MARCHF4: variants seen among roughly 807,000 people sequenced by gnomAD.
MARCHF4 encodes E3 ubiquitin-protein ligase MARCHF4.
A neutral mutation model predicts 43.9 loss-of-function variants in MARCHF4; 14 were observed. The observed-to-expected ratio is 0.32, with a 90% CI of 0.21 to 0.50. The LOEUF (loss-of-function observed/expected upper bound fraction) is 0.50. Ranked by LOEUF, MARCHF4 falls within the 20% of genes least tolerant of loss-of-function variation. The pLI, the probability that MARCHF4 is intolerant of heterozygous loss-of-function variation, is 0.98. For synonymous variants in MARCHF4, 226 were observed against 213.3 expected (o/e 1.06, Z -0.52); for missense variants, 468 against 536.7 (o/e 0.87, Z 1.27).
intron 1 of MARCHF4, chr2:216,303,748 G>A (rs1691535497): frequency 6.6e-6 from 1 of 152,120 alleles, no homozygotes; most frequent in Non-Finnish European, 1.5e-5. Context: ...TTTTCTCGTT[G>A]GTTAAATGGG....
intron 1 of MARCHF4, among the ~76,000 whole-genome samples, chr2:216,328,424 G>C (rs949285137): frequency 6.6e-6 from 1 of 152,172 alleles, no homozygotes. Flanking sequence ...CAATCCTGAG[G>C]CTTGTTAAGA....
intron 1 of MARCHF4, among the ~76,000 whole-genome samples, chr2:216,295,982 C>T (rs1000328191): frequency 5.3e-5 from 8 of 152,120 alleles, no homozygotes; most frequent in Non-Finnish European, 4.4e-5. Flanking sequence ...CCTGTTTCTA[C>T]TAAAAATAGA....
intron 1 of MARCHF4, among the ~76,000 whole-genome samples, chr2:216,338,441 T>C (rs1692189953): frequency 6.6e-6 from 1 of 152,180 alleles, no homozygotes; most frequent in Non-Finnish European, 1.5e-5. Flanking sequence ...AGGTAGTAGC[T>C]TCAACAGTGG....
intron 1 of MARCHF4, among the ~76,000 whole-genome samples, chr2:216,299,971 A>G (rs1057022972): frequency 2.0e-5 from 3 of 152,172 alleles, no homozygotes; most frequent in Non-Finnish European, 2.9e-5. Context: ...TCAAGCCTCT[A>G]TTTGCATCAA....
chr2:216,347,029 T>C (rs1026364562), intron 1 of MARCHF4, among the ~76,000 whole-genome samples: 1 of 152,212 alleles, frequency 6.6e-6, no homozygotes, highest in African/African-American at 2.4e-5. Flanking sequence ...GTTCTGGCTA[T>C]GTAAGGATGT....
In MARCHF4 at chr2:216,370,428, G is replaced by C. The variant is rs1692741369; in HGVS notation, c.-168C>G. 1 of 547,934 alleles carries C rather than the reference G, an allele frequency of 1.8e-6. No individual in the cohort carries two copies. The highest frequency in any genetic ancestry group is 3.0e-5 in the East Asian group (1 of 33,502). 33.9% of individuals were successfully genotyped at this position (547,934 alleles called of 1,614,324 possible). On this transcript the variant is annotated 5_prime_UTR_variant, in exon 1 of 4. Coordinates refer to ENST00000273067, the MANE Select transcript of MARCHF4 (RefSeq NM_020814.3). Reference sequence around the variant, plus strand: ...TAGCAAATAAATTGCTCCCAGGACTGAGAAGTGTGAGTCACTGGTTCTGAA... The same window carrying C: ...TAGCAAATAAATTGCTCCCAGGACTCAGAAGTGTGAGTCACTGGTTCTGAA...
rs189233986 is a variant in MARCHF4 at position 216,308,803 on chromosome 2, A to T, written c.517-25074T>A. 3.3e-5 allele frequency among the ~76,000 whole-genome samples: 5 copies of T among 152,334 alleles called. No homozygotes were observed. The East Asian group carries it at 9.6e-4, about 29-fold the overall frequency. On this transcript the variant is annotated intron_variant, in intron 1 of 3. Coordinates refer to ENST00000273067, the MANE Select transcript of MARCHF4 (RefSeq NM_020814.3). Reference sequence around the variant, plus strand: ...AAAATAGAAAGCCACTGCCATAGCCAGCTGTGAATCCTCCAGGGTCTGATC... The same window carrying T: ...AAAATAGAAAGCCACTGCCATAGCCTGCTGTGAATCCTCCAGGGTCTGATC...
chr2:216,296,239 G>A (rs1326310306), intron 1 of MARCHF4, among the ~76,000 whole-genome samples: 1 of 152,174 alleles, frequency 6.6e-6, no homozygotes, highest in Non-Finnish European at 1.5e-5. Context: ...CCAGCTACTT[G>A]GGAGGCTGAG....
intron 1 of MARCHF4, among the ~76,000 whole-genome samples, chr2:216,354,479 C>G (rs769980931): frequency 2.0e-5 from 3 of 152,126 alleles, no homozygotes; most frequent in Non-Finnish European, 4.4e-5. Context: ...ATATGCAACC[C>G]TGGTCCACGG....
At chr2:216,325,107 C>T (rs573591831) in intron 1 of MARCHF4, among the ~76,000 whole-genome samples, 117 of 152,222 alleles carry the variant, frequency 7.7e-4, no homozygotes, top group African/African-American at 2.6e-3. Flanking sequence ...GATAAGCAAC[C>T]TCATCAAAGT....
chr2:216,267,789 T>C (rs1690869296), intron 3 of MARCHF4, among the ~76,000 whole-genome samples: 1 of 152,216 alleles, frequency 6.6e-6, no homozygotes, highest in Admixed American at 6.5e-5. Context: ...ATCTGTTCTG[T>C]GCCAAAGACA....
At chr2:216,338,760 T>G (rs1483882243) in intron 1 of MARCHF4, among the ~76,000 whole-genome samples, 2 of 152,144 alleles carry the variant, frequency 1.3e-5, no homozygotes, top group African/African-American at 4.8e-5. Context: ...GTGGCTGAAC[T>G]AGGATACTCA....
intron 1 of MARCHF4, among the ~76,000 whole-genome samples, chr2:216,362,325 G>A (rs1013446642): frequency 1.5e-4 from 23 of 152,108 alleles, no homozygotes; most frequent in African/African-American, 5.3e-4. Flanking sequence ...CATATACTAG[G>A]GACCAAAGAT....
At chr2:216,285,406 C>T (rs1691202805) in intron 1 of MARCHF4, among the ~76,000 whole-genome samples, 1 of 152,230 alleles carries the variant, frequency 6.6e-6, no homozygotes, top group Non-Finnish European at 1.5e-5. Flanking sequence ...GCTCCAGGCC[C>T]TTCCCATACC....
intron 1 of MARCHF4, among the ~76,000 whole-genome samples, chr2:216,353,600 T>TGCAC (rs1559106185): frequency 6.6e-6 from 1 of 152,178 alleles, no homozygotes; most frequent in Non-Finnish European, 1.5e-5. Flanking sequence ...CAGGCTGGAG[T>TGCAC]GCAGTGGCGT....
intron 1 of MARCHF4, among the ~76,000 whole-genome samples, chr2:216,288,993 C>A (rs1484097850): frequency 6.7e-6 from 1 of 149,380 alleles, no homozygotes; most frequent in African/African-American, 2.5e-5. Flanking sequence ...CCAGATGACA[C>A]CAGAGGAATT....
chr2:216,359,879 A>G (rs1160155535), intron 1 of MARCHF4, among the ~76,000 whole-genome samples: 1 of 152,188 alleles, frequency 6.6e-6, no homozygotes, highest in Non-Finnish European at 1.5e-5. Context: ...GAACTCTGCC[A>G]GCACTGAATG....
chr2:216,331,335 A>G (rs758001618), intron 1 of MARCHF4, among the ~76,000 whole-genome samples: 2 of 152,144 alleles, frequency 1.3e-5, no homozygotes, highest in East Asian at 1.9e-4. Flanking sequence ...CTGTATATCT[A>G]CTAAATCAAT....
In MARCHF4 at chr2:216,369,909, C is replaced by A; in HGVS notation, c.352G>T (p.Asp118Tyr). 6.2e-7 allele frequency: 1 copy of A among 1,612,942 alleles called. No homozygotes were observed. The highest frequency in any genetic ancestry group is 1.1e-5 in the South Asian group (1 of 90,928). The change falls in exon 1 of 4, where the codon GAC becomes TAC. Residue 118 changes from aspartate (D) to tyrosine (Y), a missense_variant. Coordinates refer to ENST00000273067, the MANE Select transcript of MARCHF4 (RefSeq NM_020814.3). ...GGCTCTGTGGCTGGGCCACCCCAGT[C>A]ATCTTCCACAGAAGAAGGTGGCAAG... ...PPLPPSSVED[D>Y]WGGPATEPPA...
Sources: allele counts gnomAD v4.1 joint callset (sites outside exome capture counted in the v4.1 genomes callset), GRCh38; gene constraint gnomAD v4.1.1; transcripts MANE v1.5; gene names NCBI Gene and HGNC (gene_info 2026-07-23, HGNC 2026-07-21).